The following NPR3 variants were observed in gnomAD, a reference collection of about 807,000 sequenced individuals.
NPR3 encodes the protein natriuretic peptide receptor 3.
NPR3 carries 34 observed loss-of-function variants against 54.5 expected under a neutral mutation model. The ratio of observed to expected loss-of-function variants is 0.62; its 90% CI spans 0.47 to 0.83. The LOEUF (loss-of-function observed/expected upper bound fraction) is 0.83. Ranked by LOEUF, NPR3 falls within the 40% of genes least tolerant of loss-of-function variation. NPR3 has a pLI of 0.00. For missense variants in NPR3, 674 were observed against 720.8 expected (o/e 0.94, Z 0.74); for synonymous variants, 289 against 297.1 (o/e 0.97, Z 0.28).
rs1579718238 is a variant in NPR3, at chr5:32,786,401, G to A, written c.*56G>A. 4.2e-6 allele frequency: 3 copies of A among 710,022 alleles called. No homozygotes were observed. In the East Asian group the frequency reaches 8.3e-5, roughly 20 times the overall value. 44.0% of individuals were successfully genotyped at this position (710,022 alleles called of 1,614,324 possible). The stretch of plus-strand genomic sequence containing the variant: ...TGAGATTCTTTAAGGAGATAGACGG[G>A]TTGAAAGACATCAATGAAACAGAAG... On this transcript the variant is annotated 3_prime_UTR_variant, in exon 8 of 8. Transcript: ENST00000265074.
chr5:32,722,325 A>ATT, intron 1 of NPR3, among the ~76,000 whole-genome samples: 1 of 152,062 alleles, frequency 6.6e-6, no homozygotes, highest in East Asian at 1.9e-4. Flanking sequence ...GGCCTCCCTG[A>ATT]TTCTGATTTC....
chr5:32,757,244 T>C (rs1345982453), intron 3 of NPR3, among the ~76,000 whole-genome samples: 1 of 152,216 alleles, frequency 6.6e-6, no homozygotes, highest in Non-Finnish European at 1.5e-5. Context: ...GAGCATGGAA[T>C]GTTCTTCCAT....
intron 3 of NPR3, among the ~76,000 whole-genome samples, chr5:32,755,282 G>A (rs1212501200): frequency 1.3e-5 from 2 of 152,174 alleles, no homozygotes; most frequent in African/African-American, 2.4e-5. Flanking sequence ...TCTGTGCTCA[G>A]TGGTGACATA....
chr5:32,742,368 T>C (rs1032093954), intron 3 of NPR3, among the ~76,000 whole-genome samples: 1 of 152,114 alleles, frequency 6.6e-6, no homozygotes, highest in Non-Finnish European at 1.5e-5. Flanking sequence ...ACGCCTGTAA[T>C]CCCAGGTACT....
chr5:32,786,216 C>T lies in NPR3; in HGVS notation c.1515-18C>T, dbSNP rs1346425802. On this transcript the variant is annotated intron_variant, in intron 7 of 7. Coordinates refer to ENST00000265074, the MANE Select transcript of NPR3 (RefSeq NM_001204375.2). ...TGTAGCCAAGTTTTATTACCACATTCACTTTCCCTTTACCCAGGAAGAAAT... is the reference window on the plus strand; with the variant it reads ...TGTAGCCAAGTTTTATTACCACATTTACTTTCCCTTTACCCAGGAAGAAAT... 4 of 1,038,506 alleles carry T rather than the reference C, an allele frequency of 3.9e-6. No individual in the cohort carries two copies. The South Asian group carries it at 4.4e-5, about 11-fold the overall frequency. The allele number at this position is 1,038,506 out of a possible 1,614,324, so 64.3% of individuals were successfully genotyped here.
chr5:32,703,255 A>G (rs1207108421), intron 1 of NPR3, among the ~76,000 whole-genome samples: 1 of 152,032 alleles, frequency 6.6e-6, no homozygotes, highest in African/African-American at 2.4e-5. Context: ...GTATCCATAA[A>G]TGCCATCTAA....
chr5:32,744,472 A>C (rs1422288758), intron 3 of NPR3, among the ~76,000 whole-genome samples: 1 of 152,186 alleles, frequency 6.6e-6, no homozygotes, highest in Non-Finnish European at 1.5e-5. Flanking sequence ...TTTTTGACTG[A>C]AAAAGTTGTT....
chr5:32,722,710 T>C (rs1335882025), intron 1 of NPR3, among the ~76,000 whole-genome samples: 1 of 152,200 alleles, frequency 6.6e-6, no homozygotes, highest in Non-Finnish European at 1.5e-5. Flanking sequence ...CAGTCCCTTG[T>C]TGAATGTTTT....
At chr5:32,694,864 TC>T (rs1741139350) in intron 1 of NPR3, among the ~76,000 whole-genome samples, 1 of 152,114 alleles carries the variant, frequency 6.6e-6, no homozygotes, top group African/African-American at 2.4e-5. Flanking sequence ...ACCCTGTCCT[TC>T]CCAGTCTCTG....
rs985058805 is a variant in NPR3, at chr5:32,787,820, C to T, written c.*1475C>T. On this transcript the variant is annotated 3_prime_UTR_variant, in exon 8 of 8. Transcript: ENST00000265074. The stretch of plus-strand genomic sequence containing the variant: ...TAGACAGTGAGGGAGGAATGGGAAG[C>T]TGTCATGAGAGTGCACCGTCTTGGA... The T allele has an allele frequency of 6.6e-6, 1 of 152,194 alleles. No individual in the cohort carries two copies. Among genetic ancestry groups the T allele is most frequent in the East Asian group, 1.9e-4 (1 of 5,202 alleles). 9.4% of individuals were successfully genotyped at this position (152,194 alleles called of 1,614,324 possible).
At chr5:32,730,695 C>T (rs996484338) in intron 2 of NPR3, among the ~76,000 whole-genome samples, 2 of 151,790 alleles carry the variant, frequency 1.3e-5, no homozygotes, top group Admixed American at 6.6e-5. Context: ...ATGTAGATGC[C>T]AAAATCAACA....
At chr5:32,722,343 C>A (rs1010134875) in intron 1 of NPR3, among the ~76,000 whole-genome samples, 4 of 152,184 alleles carry the variant, frequency 2.6e-5, no homozygotes, top group African/African-American at 9.7e-5. Context: ...TTCATCCTTA[C>A]TTGCATCCTA....
Position 32,712,468 on chromosome 5 carries a change from C to A in NPR3, c.692C>A (p.Thr231Lys), listed in dbSNP as rs1279843711. ...GTCTTCCAGGAGGAGGGTTTGCACACGTCCATCTACAGTTTCGACGAGACC... is the reference window on the plus strand; with the variant it reads ...GTCTTCCAGGAGGAGGGTTTGCACAAGTCCATCTACAGTTTCGACGAGACC... Reference protein sequence around the residue: ...HEVFQEEGLHTSIYSFDETKD... With the variant: ...HEVFQEEGLHKSIYSFDETKD... Residue 231 changes from threonine (T) to lysine (K), a missense_variant, in exon 1 of 8, where the codon ACG becomes AAG. Physicochemically the swap from Thr to Lys is moderately conservative, Grantham distance 78. Coordinates refer to ENST00000265074, the MANE Select transcript of NPR3 (RefSeq NM_001204375.2). The A allele has an allele frequency of 1.3e-5, 21 of 1,599,422 alleles. No homozygotes were observed. Among genetic ancestry groups the A allele is most frequent in the Non-Finnish European group, 1.8e-5 (21 of 1,174,676 alleles).
At chr5:32,762,075 G>A (rs1225767623) in intron 3 of NPR3, among the ~76,000 whole-genome samples, 1 of 152,104 alleles carries the variant, frequency 6.6e-6, no homozygotes, top group Non-Finnish European at 1.5e-5. Context: ...AGTTTGCTGA[G>A]AATGATGCTT....
At chr5:32,703,227 T>G (rs1310761891) in intron 1 of NPR3, among the ~76,000 whole-genome samples, 1 of 151,966 alleles carries the variant, frequency 6.6e-6, no homozygotes, top group Non-Finnish European at 1.5e-5. Context: ...GGCACTGGGC[T>G]CCCCTCTGGC....
intron 3 of NPR3, among the ~76,000 whole-genome samples, chr5:32,772,098 G>A (rs1047700292): frequency 1.4e-4 from 21 of 152,304 alleles, no homozygotes; most frequent in African/African-American, 5.1e-4. Flanking sequence ...AATCAAATTG[G>A]CATAGCCAAA....
upstream of NPR3, among the ~76,000 whole-genome samples, chr5:32,708,139 A>G (rs1419544601): frequency 6.6e-6 from 1 of 152,024 alleles, no homozygotes; most frequent in East Asian, 1.9e-4. Context: ...TCAAATGGCT[A>G]ATTTTCTTTC....
intron 3 of NPR3, among the ~76,000 whole-genome samples, chr5:32,752,169 A>C (rs1740610927): frequency 6.6e-6 from 1 of 152,190 alleles, no homozygotes; most frequent in Non-Finnish European, 1.5e-5. Context: ...ATACCATTGC[A>C]ATCCAGCCTG....
intron 1 of NPR3, among the ~76,000 whole-genome samples, chr5:32,691,560 C>G (rs1740388684): frequency 1.3e-5 from 2 of 152,218 alleles, no homozygotes; most frequent in South Asian, 4.1e-4. Flanking sequence ...GGAATGAAGA[C>G]ACACCTGAAA....
Sources: allele counts gnomAD v4.1 joint callset (sites outside exome capture counted in the v4.1 genomes callset), GRCh38; gene constraint gnomAD v4.1.1; transcripts MANE v1.5; gene names NCBI Gene and HGNC (gene_info 2026-07-23, HGNC 2026-07-21).